Variants in SPOP observed in about 807,000 individuals in gnomAD.
The protein encoded by SPOP is speckle-type POZ protein.
A neutral mutation model predicts 45.6 loss-of-function variants in SPOP; 11 were observed. That is an observed-to-expected ratio of 0.24 (90% CI 0.15 to 0.40). SPOP has a LOEUF of 0.40. Among genes scored for constraint, SPOP ranks in the 10% least tolerant of loss-of-function variants. The pLI is 1.00. For synonymous variants in SPOP, 166 were observed against 166.3 expected (o/e 1.00, Z 0.01); for missense variants, 152 against 465.6 (o/e 0.33, Z 6.20).
In SPOP at chr17:49,638,197, T is replaced by A. The variant is rs146126644; in HGVS notation, c.-66-15321A>T. 3.0e-3 allele frequency among the ~76,000 whole-genome samples: 457 copies of A among 152,328 alleles called. 4 individuals are homozygous for A. Among genetic ancestry groups the A allele is most frequent in the Admixed American group, 0.024 (366 of 15,300 alleles). On this transcript the variant is annotated intron_variant, in intron 1 of 9. Coordinates refer to ENST00000504102, the MANE Select transcript of SPOP (RefSeq NM_001007228.2). ...GAAACTGGGATAAGAGAAGTAGCAATGCTTCTAGGAGTCTAACATAGGCAG... is the reference window on the plus strand; with the variant it reads ...GAAACTGGGATAAGAGAAGTAGCAAAGCTTCTAGGAGTCTAACATAGGCAG...
At position 49,600,463 on chromosome 17, in the gene SPOP, T is replaced by G; in HGVS notation, c.1040A>C (p.His347Pro). The G allele has an allele frequency of 6.2e-7, 1 of 1,613,988 alleles. No homozygotes were observed. The highest frequency in any genetic ancestry group is 1.1e-5 in the South Asian group (1 of 91,078). Residue 347 changes from histidine to proline, a missense_variant, in exon 10 of 10, where the codon CAC (histidine) becomes CCC (proline). By Grantham distance (77) the His-to-Pro change is moderately conservative. This residue lies in a region of SPOP where 106 missense variants were observed against 255.2 expected (regional missense o/e 0.42). Transcript: ENST00000504102. The surrounding 1 kb of genome is among the most constrained non-coding windows in gnomAD (Gnocchi z 4.2). ...GWKSMVVSHPHLVAEAYRSLA... is the reference protein window; with the variant it reads ...GWKSMVVSHPPLVAEAYRSLA... ...AGAGCGGTATGCCTCAGCCACCAAG[T>G]GGGGATGTGACACCACCATTGACTT...
In SPOP at chr17:49,619,666, G is replaced by A. The variant is rs941815871; in HGVS notation, c.201-281C>T. Among the ~76,000 whole-genome samples the A allele has an allele frequency of 2.6e-5, 4 of 151,950 alleles. No individual in the cohort carries two copies. Among genetic ancestry groups the A allele is most frequent in the African/African-American group, 4.8e-5 (2 of 41,364 alleles). ...CTCCCACCCCAGCCTCCCGAGTAGC[G>A]GGGACTACAGATGTGCACCACCATG... On this transcript the variant is annotated intron_variant, in intron 3 of 9. Transcript: ENST00000504102. The surrounding 1 kb of genome is among the most constrained non-coding windows in gnomAD (Gnocchi z 4.9).
rs377589345 is a variant in SPOP, at chr17:49,664,144, C to A, written c.-67+13789G>T. 3.9e-5 allele frequency among the ~76,000 whole-genome samples: 6 copies of A among 152,182 alleles called. No individual in the cohort carries two copies. In the South Asian group the frequency reaches 6.2e-4, roughly 16 times the overall value. ...CAATATGATTTCAGATTTCATACTG[C>A]AACTTAATTTATAAGAAACTAACAC... On this transcript the variant is annotated intron_variant, in intron 1 of 9. Transcript: ENST00000504102.
At chr17:49,662,958 G>A (rs975336974) in intron 1 of SPOP, among the ~76,000 whole-genome samples, 1 of 152,202 alleles carries the variant, frequency 6.6e-6, no homozygotes, top group Non-Finnish European at 1.5e-5. Flanking sequence ...CAAGTGGTCT[G>A]TGAAGGCAAC....
intron 1 of SPOP, among the ~76,000 whole-genome samples, chr17:49,623,485 C>G (rs527782766): frequency 1.3e-5 from 2 of 152,274 alleles, no homozygotes; most frequent in African/African-American, 4.8e-5. Flanking sequence ...GAGGAGACAG[C>G]ATCATTAACA....
At chr17:49,637,089 T>C (rs1245881221) in intron 1 of SPOP, among the ~76,000 whole-genome samples, 2 of 152,080 alleles carry the variant, frequency 1.3e-5, no homozygotes, top group Admixed American at 6.6e-5. Context: ...GGTGCACGAC[T>C]GTAGTCCCAG....
chr17:49,613,271 A>AT (rs1232876914), intron 5 of SPOP, among the ~76,000 whole-genome samples: 1 of 149,412 alleles, frequency 6.7e-6, no homozygotes, highest in East Asian at 1.9e-4. Flanking sequence ...TAAAATACTA[A>AT]TTTAAAAAAA....
chr17:49,643,261 T>C lies in SPOP; in HGVS notation c.-66-20385A>G, dbSNP rs376227148. Reference sequence around the variant, plus strand: ...AGTTTTCATTTGTAACACTTCAGGATTCCAAGTGCTCAAAGCTCTGAATAG... The same window carrying C: ...AGTTTTCATTTGTAACACTTCAGGACTCCAAGTGCTCAAAGCTCTGAATAG... On this transcript the variant is annotated intron_variant, in intron 1 of 9. Transcript: ENST00000504102. Among the ~76,000 whole-genome samples, 15 of 152,292 alleles carry C rather than the reference T, an allele frequency of 9.8e-5. No homozygotes were observed. The East Asian group carries it at 2.9e-3, about 29-fold the overall frequency.
At chr17:49,630,293 C>A (rs2072426429) in intron 1 of SPOP, among the ~76,000 whole-genome samples, 1 of 152,200 alleles carries the variant, frequency 6.6e-6, no homozygotes, top group African/African-American at 2.4e-5. Context: ...TGTGCTCAAT[C>A]ATACACAGCC....
intron 5 of SPOP, among the ~76,000 whole-genome samples, chr17:49,615,684 T>TAA (rs1013433562): frequency 2.0e-5 from 3 of 152,144 alleles, no homozygotes; most frequent in African/African-American, 7.2e-5. Context: ...CTGACTCTTA[T>TAA]GTCTCTCTCT....
In SPOP at chr17:49,622,735, G is replaced by C; in HGVS notation, c.76C>G (p.Gln26Glu). The C allele has an allele frequency of 1.9e-6, 3 of 1,613,936 alleles. No homozygotes were observed. Among genetic ancestry groups the C allele is most frequent in the Non-Finnish European group, 2.5e-6 (3 of 1,179,868 alleles). The change falls in exon 2 of 10, where the codon CAG becomes GAG. Residue 26 changes from glutamine to glutamate, a missense_variant and splice_region_variant. Gln to Glu is a conservative substitution (Grantham distance 29, BLOSUM62 2). This residue lies in a region of SPOP where 18 missense variants were observed against 33.6 expected (regional missense o/e 0.54). Coordinates refer to ENST00000504102, the MANE Select transcript of SPOP (RefSeq NM_001007228.2). ...GPVAESWCYT[Q>E]IKVVKFSYMW... The stretch of plus-strand genomic sequence containing the variant: ...ACAGGCTGAAAACTTCAACTTACCT[G>C]TGTGTAGCACCAACTCTCAGCTACG...
intron 5 of SPOP, among the ~76,000 whole-genome samples, chr17:49,616,345 G>A (rs1029000848): frequency 6.6e-6 from 1 of 152,148 alleles, no homozygotes; most frequent in Non-Finnish European, 1.5e-5. Context: ...AGAATGAGAA[G>A]TGCCTCAGTC....
chr17:49,639,356 TTTA>T (rs1373564894), intron 1 of SPOP, among the ~76,000 whole-genome samples: 3 of 152,144 alleles, frequency 2.0e-5, no homozygotes, highest in African/African-American at 4.8e-5. Context: ...TGGAAAATAG[TTTA>T]TTATTATCTA....
chr17:49,600,206 G>A lies in SPOP; in HGVS notation c.*172C>T, dbSNP rs1405971501. ...TTTTCATTTCATTTTCCCTCCCCCC[G>A]TTTCCCCCAAGTTATTTAGTGCTGT... is the stretch of plus-strand genomic sequence containing the variant. On this transcript the variant is annotated 3_prime_UTR_variant, in exon 10 of 10. Coordinates refer to ENST00000504102, the MANE Select transcript of SPOP (RefSeq NM_001007228.2). The surrounding 1 kb of genome is among the most constrained non-coding windows in gnomAD (Gnocchi z 4.2). 3.0e-5 allele frequency: 25 copies of A among 844,292 alleles called. No individual in the cohort carries two copies. The highest frequency in any genetic ancestry group is 6.9e-5 in the Admixed American group (3 of 43,232). The allele number at this position is 844,292 out of a possible 1,614,324, so 52.3% of individuals were successfully genotyped here.
At chr17:49,640,414 C>T (rs2072625514) in intron 1 of SPOP, among the ~76,000 whole-genome samples, 1 of 151,770 alleles carries the variant, frequency 6.6e-6, no homozygotes, top group Admixed American at 6.6e-5. Flanking sequence ...TAAAGCAGGG[C>T]CACCCAGGAA....
chr17:49,622,338 C>A, intron 2 of SPOP: 1 of 581,192 alleles, frequency 1.7e-6, no homozygotes, highest in South Asian at 1.5e-5. Flanking sequence ...AAACCCACCA[C>A]CACCATGGAC....
intron 6 of SPOP, among the ~76,000 whole-genome samples, chr17:49,610,878 A>G (rs1023323788): frequency 2.6e-5 from 4 of 152,272 alleles, no homozygotes; most frequent in Admixed American, 2.6e-4. Flanking sequence ...AAAGAGGGCT[A>G]ACCCCTCCAG....
intron 1 of SPOP, among the ~76,000 whole-genome samples, chr17:49,665,703 G>A (rs886747376): frequency 9.4e-6 from 1 of 106,298 alleles, no homozygotes; most frequent in African/African-American, 3.1e-5. Context: ...CACCAATCTG[G>A]CCAGGTGCGA....
Position 49,667,411 on chromosome 17 carries a change from G to A in SPOP, c.-67+10522C>T, listed in dbSNP as rs368492854. On this transcript the variant is annotated intron_variant, in intron 1 of 9. Coordinates refer to ENST00000504102, the MANE Select transcript of SPOP (RefSeq NM_001007228.2). Reference sequence around the variant, plus strand: ...TCGAGACCAGCCCGGTCAACATGGCGAAACCTCGTCTCTACTAAAATACGA... The same window carrying A: ...TCGAGACCAGCCCGGTCAACATGGCAAAACCTCGTCTCTACTAAAATACGA... Among the ~76,000 whole-genome samples the A allele has an allele frequency of 8.6e-5, 13 of 151,156 alleles. No homozygotes were observed. In the East Asian group the frequency reaches 2.0e-3, roughly 23 times the overall value.
Sources: allele counts gnomAD v4.1 joint callset (sites outside exome capture counted in the v4.1 genomes callset), GRCh38; gene constraint gnomAD v4.1.1; regional missense constraint gnomAD v4.1.1; non-coding constraint Gnocchi (gnomAD v3.1); transcripts MANE v1.5; gene names NCBI Gene and HGNC (gene_info 2026-07-23, HGNC 2026-07-21).